Variants in MYO1H observed in about 807,000 individuals in gnomAD.
MYO1H encodes unconventional myosin-Ih.
A neutral mutation model predicts 149.3 loss-of-function variants in MYO1H; 118 were observed. The ratio of observed to expected loss-of-function variants is 0.79; its 90% CI spans 0.68 to 0.92. The LOEUF (loss-of-function observed/expected upper bound fraction) is 0.92, where lower values mean the gene tolerates loss of function less well. MYO1H is among the 40% of genes least tolerant of loss of function. MYO1H has a pLI of 0.00. For missense variants in MYO1H, 1,212 were observed against 1,280.7 expected, an observed-to-expected ratio of 0.95 and a Z score of 0.82; for synonymous variants, 447 against 465.2, an observed-to-expected ratio of 0.96 and a Z score of 0.50.
intron 1 of MYO1H, among the ~76,000 whole-genome samples, chr12:109,383,996 G>T (rs760679301): frequency 1.3e-5 from 2 of 152,234 alleles, no homozygotes; most frequent in Admixed American, 6.5e-5. Context: ...GACAAAGAGT[G>T]GCTTGCTGCA....
chr12:109,378,535 G>T (rs925643867), intron 1 of MYO1H, among the ~76,000 whole-genome samples: 2 of 151,896 alleles, frequency 1.3e-5, no homozygotes, highest in Non-Finnish European at 2.9e-5. Context: ...TGCTACCCAG[G>T]CTAGTCTCAA....
chr12:109,392,779 G>A (rs971698272), intron 2 of MYO1H, among the ~76,000 whole-genome samples: 7 of 151,434 alleles, frequency 4.6e-5, no homozygotes, highest in Admixed American at 2.6e-4. Context: ...TTGTACCCTC[G>A]TTATGCTATG....
At chr12:109,443,774 A>G in intron 28 of MYO1H, 125 bp downstream of exon 28, 1 of 998,462 alleles carries the variant, frequency 1.0e-6, no homozygotes, top group South Asian at 1.6e-5. Context: ...GTAGTGATGC[A>G]CACCTGTAGT....
chr12:109,396,374 C>A lies in MYO1H; in HGVS notation c.291-10C>A. 6.3e-7 allele frequency: 1 copy of A among 1,592,386 alleles called. No individual in the cohort carries two copies. Among genetic ancestry groups the A allele is most frequent in the Non-Finnish European group, 8.6e-7 (1 of 1,167,872 alleles). On this transcript the variant is annotated splice_polypyrimidine_tract_variant and intron_variant, in intron 3 of 31. Coordinates refer to ENST00000310903, the Ensembl canonical transcript of MYO1H. ...AAAACGAATTTGTTTCCGTCTCACT[C>A]CTCCTCCAGCTACGCTATAGCCGAC...
chr12:109,335,727 A>G, the MYO1H span, among the ~76,000 whole-genome samples: 2 of 152,154 alleles, frequency 1.3e-5, no homozygotes, highest in African/African-American at 4.8e-5. Context: ...GCCATCTTTT[A>G]TCTCTCTTAG....
intron 14 of MYO1H, among the ~76,000 whole-genome samples, chr12:109,412,971 GTTGTTGTTGTTA>G (rs1285724227): frequency 2.0e-5 from 3 of 149,034 alleles, no homozygotes; most frequent in Admixed American, 6.7e-5. Flanking sequence ...TGTTGTTGTT[GTTGTTGTTGTTA>G]TTATTATTAT....
At chr12:109,440,533 CAT>C (rs757896756) in intron 24 of MYO1H, 5 of 536,154 alleles carry the variant, frequency 9.3e-6, no homozygotes, top group Non-Finnish European at 1.7e-5. Context: ...GAGTCATAAA[CAT>C]ATTCAAGTTT....
intron 27 of MYO1H, among the ~76,000 whole-genome samples, chr12:109,443,040 G>A (rs376644491): frequency 2.3e-5 from 1 of 42,716 alleles, no homozygotes; most frequent in South Asian, 7.7e-4. Context: ...GTGTGTGTGT[G>A]TGTGTGTATA....
At chr12:109,415,734 C>T in intron 15 of MYO1H, 114 bp downstream of exon 15, 1 of 616,562 alleles carries the variant, frequency 1.6e-6, no homozygotes, top group Non-Finnish European at 2.5e-6. Flanking sequence ...CGTTCCCTAA[C>T]CTCGCGTTCA....
chr12:109,434,078 C>T (rs1871755160), intron 20 of MYO1H, among the ~76,000 whole-genome samples: 2 of 152,134 alleles, frequency 1.3e-5, no homozygotes, highest in African/African-American at 2.4e-5. Flanking sequence ...GGCATGATCT[C>T]GGCTCACTGT....
upstream of MYO1H, among the ~76,000 whole-genome samples, chr12:109,346,693 C>A (rs945144309): frequency 1.3e-5 from 2 of 151,900 alleles, no homozygotes; most frequent in Admixed American, 6.6e-5. Flanking sequence ...ACCTGGGGGG[C>A]GGAGGTTGCA....
At chr12:109,356,605 A>G (rs1314409217) in intron 1 of MYO1H, among the ~76,000 whole-genome samples, 4 of 152,044 alleles carry the variant, frequency 2.6e-5, no homozygotes, top group Admixed American at 6.6e-5. Flanking sequence ...TTAACCCTCT[A>G]TTTATGCTGA....
rs1323327491 is a variant in MYO1H at position 109,441,509 on chromosome 12, C to T, written c.2539-106C>T. The stretch of plus-strand genomic sequence containing the variant: ...TTGTATGCTCCAGGGTAACAAGGCT[C>T]CCACAGTTTATCCAGCAAAGGATGT... On this transcript the variant is annotated intron_variant, in intron 25 of 31. Coordinates refer to ENST00000310903, the Ensembl canonical transcript of MYO1H. 10 of 668,730 alleles carry T rather than the reference C, an allele frequency of 1.5e-5. No individual in the cohort carries two copies. The South Asian group carries it at 1.8e-4, about 12-fold the overall frequency. The allele number at this position is 668,730 out of a possible 1,614,324, so 41.4% of individuals were successfully genotyped here.
At chr12:109,377,773 C>T (rs1869113860) in intron 1 of MYO1H, among the ~76,000 whole-genome samples, 1 of 152,118 alleles carries the variant, frequency 6.6e-6, no homozygotes, top group African/African-American at 2.4e-5. Context: ...GAAAAATAAA[C>T]ATTCTATATG....
At chr12:109,432,838 TG>T in intron 19 of MYO1H, 58 bp from the exon 20 acceptor site, 1 of 1,443,800 alleles carries the variant, frequency 6.9e-7, no homozygotes, top group Non-Finnish European at 9.7e-7. Context: ...GCCGGGGATG[TG>T]GGGGAGGGCT....
intron 1 of MYO1H, among the ~76,000 whole-genome samples, chr12:109,382,981 A>G (rs113169560): frequency 9.9e-5 from 15 of 151,794 alleles, no homozygotes; most frequent in African/African-American, 3.1e-4. Context: ...GACAATGACA[A>G]TACATGTGAA....
chr12:109,438,175 T>C (rs1285009994), intron 22 of MYO1H, among the ~76,000 whole-genome samples: 1 of 151,810 alleles, frequency 6.6e-6, no homozygotes, highest in African/African-American at 2.4e-5. Context: ...TTTTTAAATG[T>C]AGACAACTAA....
At chr12:109,390,477 G>A (rs1419669921) in intron 2 of MYO1H, among the ~76,000 whole-genome samples, 1 of 151,762 alleles carries the variant, frequency 6.6e-6, no homozygotes, top group Non-Finnish European at 1.5e-5. Context: ...GGAGCTCTTT[G>A]TTTATTCATA....
At chr12:109,322,311 G>A in the MYO1H span, among the ~76,000 whole-genome samples, 13 of 152,164 alleles carry the variant, frequency 8.5e-5, no homozygotes, top group African/African-American at 2.7e-4. Context: ...CAGCCTTTCA[G>A]AGACAAAGAA....
Sources: gnomAD v4.1 joint callset for allele counts (sites outside exome capture counted in the v4.1 genomes callset) on GRCh38, gnomAD v4.1.1 for gene constraint, MANE v1.5 for transcripts, NCBI Gene and HGNC (gene_info 2026-07-23, HGNC 2026-07-21) for gene names.